The following FAM185A variants were observed in gnomAD, a reference collection of about 807,000 sequenced individuals.
The protein encoded by FAM185A is family with sequence similarity 185 member A.
Under a neutral mutation model 45.7 loss-of-function variants are expected in FAM185A, and 21 were observed. The ratio of observed to expected loss-of-function variants is 0.46; its 90% confidence interval spans 0.33 to 0.66. FAM185A has a LOEUF of 0.66. FAM185A is among the 30% of genes least tolerant of loss of function. The pLI, the probability that FAM185A is intolerant of heterozygous loss-of-function variation, is 0.03. For synonymous variants in FAM185A, 117 were observed against 194.0 expected (o/e 0.60, Z 3.30); for missense variants, 305 against 485.4 (o/e 0.63, Z 3.49).
At chr7:102,803,536 G>C (rs1248138133) in intron 7 of FAM185A, among the ~76,000 whole-genome samples, 4 of 152,100 alleles carry the variant, frequency 2.6e-5, no homozygotes, top group Admixed American at 6.5e-5. Context: ...ATACCTCAAT[G>C]TAATAAAAGC....
rs76790220 is a variant in FAM185A at position 102,763,580 on chromosome 7, G to T, written c.793+2169G>T. 5.5e-3 allele frequency among the ~76,000 whole-genome samples: 845 copies of T among 152,324 alleles called. 60 individuals carry two copies. The East Asian group carries it at 0.15, about 26-fold the overall frequency. On this transcript the variant is annotated intron_variant, in intron 4 of 7. Coordinates refer to ENST00000413034, the MANE Select transcript of FAM185A (RefSeq NM_001145268.2). The stretch of plus-strand genomic sequence containing the variant: ...GGTCCCTCAGAGTTGTCTCAAGCTG[G>T]GGTGAGAGGAGCTGGACGTTTATAT...
At chr7:102,785,835 C>G (rs937972724) in intron 6 of FAM185A, among the ~76,000 whole-genome samples, 18 of 151,268 alleles carry the variant, frequency 1.2e-4, no homozygotes, top group African/African-American at 4.4e-4. Flanking sequence ...CAAATGGGAT[C>G]TAATTAAACT....
intron 6 of FAM185A, among the ~76,000 whole-genome samples, chr7:102,780,729 G>A (rs1178854937): frequency 3.9e-5 from 6 of 152,204 alleles, no homozygotes; most frequent in African/African-American, 1.4e-4. Flanking sequence ...AGCTGCCAGC[G>A]TGAGCGACGC....
chr7:102,831,441 A>G, the FAM185A span, among the ~76,000 whole-genome samples: 1 of 148,194 alleles, frequency 6.7e-6, no homozygotes, highest in Non-Finnish European at 1.5e-5. Flanking sequence ...ACCCCACTAC[A>G]GAGAGTTATC....
chr7:102,786,760 A>G (rs1206793131), intron 6 of FAM185A, among the ~76,000 whole-genome samples: 1 of 151,994 alleles, frequency 6.6e-6, no homozygotes, highest in Non-Finnish European at 1.5e-5. Flanking sequence ...GCACACCAAC[A>G]TGGCACATGT....
At chr7:102,828,857 A>C in the FAM185A span, among the ~76,000 whole-genome samples, 1 of 152,142 alleles carries the variant, frequency 6.6e-6, no homozygotes, top group South Asian at 2.1e-4. Flanking sequence ...AGGCTTTGTG[A>C]CCTGGCTCAA....
At chr7:102,831,462 T>C in the FAM185A span, among the ~76,000 whole-genome samples, 1 of 151,362 alleles carries the variant, frequency 6.6e-6, no homozygotes, top group East Asian at 1.9e-4. Flanking sequence ...TTGTCCAAAA[T>C]ATGAATAGTG....
the FAM185A span, among the ~76,000 whole-genome samples, chr7:102,846,303 G>C: frequency 6.6e-6 from 1 of 152,322 alleles, no homozygotes; most frequent in South Asian, 2.1e-4. Flanking sequence ...CACTGAGCAA[G>C]ATGGTCACAT....
chr7:102,788,576 C>T (rs1475619325), intron 7 of FAM185A, among the ~76,000 whole-genome samples: 1 of 152,160 alleles, frequency 6.6e-6, no homozygotes, highest in Non-Finnish European at 1.5e-5. Context: ...CCTATACACT[C>T]CCAGATATAA....
At chr7:102,810,275 C>A (rs942603050), downstream of FAM185A, among the ~76,000 whole-genome samples, 2 of 152,232 alleles carry the variant, frequency 1.3e-5, no homozygotes, top group Non-Finnish European at 2.9e-5. Flanking sequence ...CTCTGCCACT[C>A]AGGCTGGAGT....
At chr7:102,832,925 C>T in the FAM185A span, 1 of 1,614,146 alleles carries the variant, frequency 6.2e-7, no homozygotes, top group Non-Finnish European at 8.5e-7. Flanking sequence ...CAGCTGGGAG[C>T]AATAAGAGAC....
chr7:102,831,948 G>A, the FAM185A span, among the ~76,000 whole-genome samples: 1 of 152,072 alleles, frequency 6.6e-6, no homozygotes, highest in Non-Finnish European at 1.5e-5. Flanking sequence ...ATGGAGATAT[G>A]TCCATAGTAT....
chr7:102,809,599 G>C (rs904250850), downstream of FAM185A, among the ~76,000 whole-genome samples: 2 of 152,118 alleles, frequency 1.3e-5, no homozygotes, highest in Admixed American at 1.3e-4. Context: ...CTATTTGGGA[G>C]CCTGAGGCAG....
At chr7:102,826,724 CATATATATATATATATATATATATAT>C in the FAM185A span, among the ~76,000 whole-genome samples, 102 of 62,728 alleles carry the variant, frequency 1.6e-3, 1 homozygote, top group Middle Eastern at 0.033. Context: ...GACCCTGTCT[CATATATATATATATATATATATATAT>C]ATATATATAT....
chr7:102,801,358 T>C (rs1278723899), intron 7 of FAM185A, among the ~76,000 whole-genome samples: 1 of 150,244 alleles, frequency 6.7e-6, no homozygotes, highest in African/African-American at 2.5e-5. Context: ...AGGCAACAAA[T>C]AAAATGACAA....
intron 4 of FAM185A, among the ~76,000 whole-genome samples, chr7:102,763,323 A>G: frequency 8.3e-6 from 1 of 120,448 alleles, no homozygotes; most frequent in African/African-American, 2.7e-5. Flanking sequence ...TTAATATGAA[A>G]TCAGATACCT....
At chr7:102,790,681 TCA>T (rs1251454943) in intron 7 of FAM185A, among the ~76,000 whole-genome samples, 1 of 152,248 alleles carries the variant, frequency 6.6e-6, no homozygotes, top group Admixed American at 6.5e-5. Flanking sequence ...TCTCACGACT[TCA>T]GTCATTATTT....
chr7:102,774,690 T>G (rs180818098), intron 5 of FAM185A, among the ~76,000 whole-genome samples: 126 of 152,312 alleles, frequency 8.3e-4, no homozygotes, highest in African/African-American at 2.8e-3. Context: ...TTCCTGAATT[T>G]ATTGAAATGA....
At chr7:102,822,256 G>GAACA in the FAM185A span, 4 of 1,553,434 alleles carry the variant, frequency 2.6e-6, no homozygotes, top group Non-Finnish European at 3.5e-6. Flanking sequence ...TCTCAGGGAA[G>GAACA]AACAGTGCCT....
Sources: allele counts gnomAD v4.1 joint callset (sites outside exome capture counted in the v4.1 genomes callset), GRCh38; gene constraint gnomAD v4.1.1; transcripts MANE v1.5; gene names NCBI Gene and HGNC (gene_info 2026-07-23, HGNC 2026-07-21).